The following DNAH9 variants were observed in gnomAD, a reference collection of about 807,000 sequenced individuals.
DNAH9 encodes the protein dynein axonemal heavy chain 9.
In DNAH9, 345 loss-of-function variants were observed where a neutral mutation model predicts 471.6. The ratio of observed to expected loss-of-function variants is 0.73; its 90% CI spans 0.67 to 0.80. DNAH9 has a LOEUF of 0.80. Among genes scored for constraint, DNAH9 ranks in the 30% least tolerant of loss-of-function variants. The pLI, the probability that DNAH9 is intolerant of heterozygous loss-of-function variation, is 0.00. For synonymous variants in DNAH9, 2,093 were observed against 2,123.6 expected (o/e 0.99, Z 0.40); for missense variants, 5,407 against 5,609.2 (o/e 0.96, Z 1.15).
At chr17:11,823,749 G>T (rs1970395863) in intron 48 of DNAH9, among the ~76,000 whole-genome samples, 1 of 152,038 alleles carries the variant, frequency 6.6e-6, no homozygotes, top group African/African-American at 2.4e-5. Flanking sequence ...GGCCAACATG[G>T]TGAAACTCCA....
chr17:11,914,708 T>G (rs1973883704), intron 61 of DNAH9, among the ~76,000 whole-genome samples: 1 of 152,164 alleles, frequency 6.6e-6, no homozygotes, highest in South Asian at 2.1e-4. Flanking sequence ...GCCAGTGAAA[T>G]TATATTCTTT....
In DNAH9 at chr17:11,781,179, G is replaced by A. The variant is rs1968653085; in HGVS notation, c.7718+5G>A. On this transcript the variant is annotated splice_donor_5th_base_variant and intron_variant, in intron 39 of 68. Coordinates refer to ENST00000262442, the MANE Select transcript of DNAH9 (RefSeq NM_001372.4). Reference sequence around the variant, plus strand: ...GCATCTGGACTATGGCCACTGGTAAGAGCGCCCATGTAGAGGGACTGGCCC... The same window carrying A: ...GCATCTGGACTATGGCCACTGGTAAAAGCGCCCATGTAGAGGGACTGGCCC... The A allele has an allele frequency of 6.2e-7, 1 of 1,613,490 alleles. No individual in the cohort carries two copies. The highest frequency in any genetic ancestry group is 1.3e-5 in the African/African-American group (1 of 75,074).
At chr17:11,940,485 T>C (rs1974869468) in intron 66 of DNAH9, among the ~76,000 whole-genome samples, 1 of 152,248 alleles carries the variant, frequency 6.6e-6, no homozygotes, top group Middle Eastern at 3.2e-3. Flanking sequence ...TATATAATTT[T>C]AGCCATTTGT....
chr17:11,868,433 A>G (rs1317086229), intron 50 of DNAH9, among the ~76,000 whole-genome samples: 1 of 152,188 alleles, frequency 6.6e-6, no homozygotes. Flanking sequence ...GAGGACAACA[A>G]AAGCTACGTA....
intron 61 of DNAH9, among the ~76,000 whole-genome samples, chr17:11,923,027 T>C (rs895571632): frequency 6.6e-6 from 1 of 151,088 alleles, no homozygotes; most frequent in African/African-American, 2.4e-5. Flanking sequence ...AAGAGTGAAG[T>C]GATTTTGGTC....
intron 25 of DNAH9, among the ~76,000 whole-genome samples, chr17:11,704,703 C>A (rs111972228): frequency 6.6e-4 from 100 of 152,178 alleles, no homozygotes; most frequent in Non-Finnish European, 1.2e-3. Flanking sequence ...CCTGCCTCAG[C>A]CTCCCAAGTA....
intron 49 of DNAH9, among the ~76,000 whole-genome samples, chr17:11,846,099 A>G (rs1221308439): frequency 7.3e-5 from 11 of 149,664 alleles, no homozygotes; most frequent in Non-Finnish European, 1.5e-4. Context: ...CTGAATGGTA[A>G]TGCCTAGGTT....
intron 32 of DNAH9, among the ~76,000 whole-genome samples, chr17:11,749,942 ATTGTC>A (rs1444407672): frequency 6.6e-6 from 1 of 152,110 alleles, no homozygotes; most frequent in Admixed American, 6.5e-5. Context: ...TTGTAATTTT[ATTGTC>A]TTGTCTCAAG....
intron 35 of DNAH9, among the ~76,000 whole-genome samples, chr17:11,759,128 A>C (rs1967537098): frequency 6.8e-6 from 1 of 147,190 alleles, no homozygotes; most frequent in African/African-American, 2.5e-5. Flanking sequence ...TGTTTTTTAA[A>C]GTTTTATTTG....
intron 45 of DNAH9, among the ~76,000 whole-genome samples, chr17:11,815,199 G>GTTTTTT (rs11429811): frequency 1.3e-5 from 2 of 148,274 alleles, no homozygotes; most frequent in Non-Finnish European, 1.5e-5. Flanking sequence ...GTAATAAACT[G>GTTTTTT]TTTTTTTTTT....
intron 45 of DNAH9, among the ~76,000 whole-genome samples, chr17:11,815,130 C>T (rs1017395280): frequency 2.0e-5 from 3 of 152,078 alleles, no homozygotes; most frequent in Admixed American, 6.6e-5. Flanking sequence ...AAAACAGAAA[C>T]TCCCAAAGAG....
chr17:11,827,842 C>T (rs1203426639), intron 48 of DNAH9, among the ~76,000 whole-genome samples: 1 of 152,090 alleles, frequency 6.6e-6, no homozygotes, highest in Non-Finnish European at 1.5e-5. Flanking sequence ...TGCGCCACCA[C>T]ACCCGGCTAA....
intron 17 of DNAH9, among the ~76,000 whole-genome samples, chr17:11,671,354 T>C (rs2073968571): frequency 6.6e-6 from 1 of 152,112 alleles, no homozygotes; most frequent in African/African-American, 2.4e-5. Flanking sequence ...AAGAGGACGG[T>C]GTATGGCATA....
intron 65 of DNAH9, among the ~76,000 whole-genome samples, chr17:11,935,738 T>C (rs1597847962): frequency 6.7e-6 from 1 of 148,794 alleles, no homozygotes; most frequent in South Asian, 2.1e-4. Context: ...AACTCTTGAA[T>C]ATAAAACATA....
At chr17:11,689,500 C>G in intron 19 of DNAH9, 66 bp from the exon 20 acceptor site, 1 of 1,384,644 alleles carries the variant, frequency 7.2e-7, no homozygotes, top group Non-Finnish European at 9.9e-7. Flanking sequence ...TGGTTGCTAC[C>G]TTAGAGATGC....
chr17:11,708,012 CACAGAGAGAGAGAGAGAGAG>C (rs1318278720), intron 26 of DNAH9, among the ~76,000 whole-genome samples: 22 of 50,096 alleles, frequency 4.4e-4, no homozygotes, highest in African/African-American at 1.4e-3. Flanking sequence ...CACACACACA[CACAGAGAGAGAGAGAGAGAG>C]AGAGAGAGAG....
intron 51 of DNAH9, 70 bp from the exon 52 acceptor site, chr17:11,871,528 T>C: frequency 6.9e-7 from 1 of 1,440,830 alleles, no homozygotes; most frequent in Non-Finnish European, 9.6e-7. Flanking sequence ...GCGCTCTCCA[T>C]GATGGAATCA....
chr17:11,934,115 A>G, intron 65 of DNAH9, 44 bp downstream of exon 65: 2 of 1,583,830 alleles, frequency 1.3e-6, no homozygotes, highest in Non-Finnish European at 1.7e-6. Flanking sequence ...GGGTGCTCAC[A>G]GGGCCCTGGG....
intron 10 of DNAH9, among the ~76,000 whole-genome samples, chr17:11,641,776 G>C (rs1348552461): frequency 1.3e-5 from 2 of 152,110 alleles, no homozygotes; most frequent in African/African-American, 4.8e-5. Flanking sequence ...CTGGTTCCCA[G>C]GAAGCAGACC....
Sources: allele counts gnomAD v4.1 joint callset (sites outside exome capture counted in the v4.1 genomes callset), GRCh38; gene constraint gnomAD v4.1.1; transcripts MANE v1.5; gene names NCBI Gene and HGNC (gene_info 2026-07-23, HGNC 2026-07-21).